GTPBP10: variants seen among roughly 807,000 people sequenced by gnomAD.
GTPBP10 encodes GTP binding protein 10.
In GTPBP10, 38 loss-of-function variants were observed where a neutral mutation model predicts 44.8. That is an observed-to-expected ratio of 0.85 (90% CI 0.65 to 1.11). The LOEUF (loss-of-function observed/expected upper bound fraction) is 1.11. Among genes scored for constraint, GTPBP10 ranks in the 50% most tolerant of loss-of-function variants. The probability of loss-of-function intolerance (pLI) is 0.00; values close to 1 mark genes in which losing one functional copy is unlikely to be tolerated. For missense variants in GTPBP10, 462 were observed against 453.7 expected (o/e 1.02, Z -0.17); for synonymous variants, 152 against 150.6 (o/e 1.01, Z -0.07).
intron 4 of GTPBP10, among the ~76,000 whole-genome samples, chr7:90,370,118 A>G (rs1229654393): frequency 6.6e-6 from 1 of 152,116 alleles, no homozygotes; most frequent in African/African-American, 2.4e-5. Context: ...AATGCAAATT[A>G]GTACAACCTA....
At chr7:90,383,216 A>G in intron 9 of GTPBP10, 137 bp downstream of exon 9, 1 of 503,258 alleles carries the variant, frequency 2.0e-6, no homozygotes, top group Non-Finnish European at 3.3e-6. Flanking sequence ...AAACATGTAA[A>G]TAACATTGTA....
chr7:90,348,404 C>T (rs1331074541), intron 1 of GTPBP10, among the ~76,000 whole-genome samples: 1 of 152,010 alleles, frequency 6.6e-6, no homozygotes, highest in Non-Finnish European at 1.5e-5. Flanking sequence ...TAACATAAGC[C>T]GTCAGTTGAC....
In GTPBP10 at chr7:90,355,265, CAGAG is replaced by C. The variant is rs772584485; in HGVS notation, c.464+42_464+45del. 8.4e-6 allele frequency: 11 copies of C among 1,312,232 alleles called. No individual in the cohort carries two copies. The African/African-American group carries it at 1.5e-4, about 18-fold the overall frequency. 81.3% of individuals were successfully genotyped at this position (1,312,232 alleles called of 1,614,324 possible). On this transcript the variant is annotated intron_variant, in intron 4 of 9. Coordinates refer to ENST00000222511, the MANE Select transcript of GTPBP10 (RefSeq NM_033107.4). Reference sequence around the variant, plus strand: ...GTTCATATTTTTATTATTATACTTTCAGAGAGAGAGTTCTTGAATAGAAAATAAA... The same window carrying C: ...GTTCATATTTTTATTATTATACTTTCAGAGAGTTCTTGAATAGAAAATAAA...
At chr7:90,352,688 T>C (rs111263602) in intron 1 of GTPBP10, 128 bp from the exon 2 acceptor site, 6 of 596,544 alleles carry the variant, frequency 1.0e-5, no homozygotes, top group African/African-American at 5.6e-5. Context: ...GAAAATGTTA[T>C]AGAATTGGCA....
At chr7:90,363,460 G>A (rs1166925209) in intron 4 of GTPBP10, among the ~76,000 whole-genome samples, 1 of 152,074 alleles carries the variant, frequency 6.6e-6, no homozygotes, top group Non-Finnish European at 1.5e-5. Flanking sequence ...TTGAATATTG[G>A]CCCCCACTCT....
rs1006508851 is a variant in GTPBP10 at position 90,387,377 on chromosome 7, G to C, written c.*2223G>C. 6.6e-6 allele frequency: 1 copy of C among 152,006 alleles called. No homozygotes were observed. Among genetic ancestry groups the C allele is most frequent in the Non-Finnish European group, 1.5e-5 (1 of 67,980 alleles). The allele number at this position is 152,006 out of a possible 1,614,324, so 9.4% of individuals were successfully genotyped here. ...GTACTTCAAAAAATTATTCTTCAAT[G>C]CTATTTTTAAATTACTAGAAATTAT... On this transcript the variant is annotated 3_prime_UTR_variant, in exon 10 of 10. Transcript: ENST00000222511.
chr7:90,377,051 C>T (rs17863079), intron 6 of GTPBP10, among the ~76,000 whole-genome samples: 4,315 of 152,218 alleles, frequency 0.028, 79 homozygotes, highest in African/African-American at 0.045. Flanking sequence ...TAGCGAGACC[C>T]TGTCTCTACT....
intron 1 of GTPBP10, 79 bp downstream of exon 1, chr7:90,346,853 C>G (rs1190161571): frequency 6.8e-7 from 1 of 1,477,850 alleles, no homozygotes; most frequent in Non-Finnish European, 9.4e-7. Context: ...CTCTCCACTA[C>G]TGTCTTCGTG....
chr7:90,349,104 C>A (rs117073421), intron 1 of GTPBP10, among the ~76,000 whole-genome samples: 4,495 of 152,212 alleles, frequency 0.03, 106 homozygotes, highest in Non-Finnish European at 0.043. Flanking sequence ...TTTTGTAAAT[C>A]CTGTGAAATT....
chr7:90,346,926 T>G (rs1431013263), intron 1 of GTPBP10, 152 bp downstream of exon 1: 3 of 840,934 alleles, frequency 3.6e-6, no homozygotes, highest in Non-Finnish European at 5.9e-6. Context: ...TGGCGCTTTG[T>G]CAGTAAGCGG....
At chr7:90,369,901 C>T (rs746167764) in intron 4 of GTPBP10, among the ~76,000 whole-genome samples, 4 of 151,650 alleles carry the variant, frequency 2.6e-5, no homozygotes, top group Non-Finnish European at 4.4e-5. Flanking sequence ...TCTTCTGTGT[C>T]GATCTTGCTG....
At chr7:90,372,804 A>G (rs1796283086) in intron 5 of GTPBP10, among the ~76,000 whole-genome samples, 1 of 152,148 alleles carries the variant, frequency 6.6e-6, no homozygotes, top group Non-Finnish European at 1.5e-5. Context: ...TCATTCATTT[A>G]GCAGATACTT....
chr7:90,364,206 G>T (rs1562956722), intron 4 of GTPBP10, among the ~76,000 whole-genome samples: 1 of 152,282 alleles, frequency 6.6e-6, no homozygotes, highest in South Asian at 2.1e-4. Flanking sequence ...AGGGGGAGAG[G>T]TGCTCTGATT....
chr7:90,370,780 C>T (rs1477784061), intron 4 of GTPBP10, among the ~76,000 whole-genome samples: 1 of 152,068 alleles, frequency 6.6e-6, no homozygotes, highest in Non-Finnish European at 1.5e-5. Context: ...CCAAGGTGGG[C>T]AGATCACGAG....
Position 90,387,144 on chromosome 7 carries a change from C to T in GTPBP10, c.*1990C>T, listed in dbSNP as rs1240987880. On this transcript the variant is annotated 3_prime_UTR_variant, in exon 10 of 10. Transcript: ENST00000222511. ...TTGAGGTCAGGAGTTCAAGACCAGC[C>T]TGGCCAACATGGTGAAAACCCATCT... 1 of 152,044 alleles carries T rather than the reference C, an allele frequency of 6.6e-6. No homozygotes were observed. The allele number at this position is 152,044 out of a possible 1,614,324, so 9.4% of individuals were successfully genotyped here.
At chr7:90,349,886 G>C (rs945899483) in intron 1 of GTPBP10, among the ~76,000 whole-genome samples, 2 of 151,346 alleles carry the variant, frequency 1.3e-5, no homozygotes, top group Non-Finnish European at 2.9e-5. Flanking sequence ...CTGTTATCTT[G>C]ATATTTCTAA....
chr7:90,366,881 G>A (rs2115697102), intron 4 of GTPBP10, among the ~76,000 whole-genome samples: 1 of 152,002 alleles, frequency 6.6e-6, no homozygotes, highest in East Asian at 1.9e-4. Context: ...GTGATGTTAG[G>A]GTGTCCATTT....
intron 1 of GTPBP10, among the ~76,000 whole-genome samples, chr7:90,350,526 G>C (rs1584625709): frequency 2.0e-5 from 3 of 152,080 alleles, no homozygotes. Context: ...ATCATCCTTT[G>C]CTGGCAATTA....
rs984147592 is a variant in GTPBP10 at position 90,364,608 on chromosome 7, G to A, written c.465-7547G>A. 3.9e-5 allele frequency among the ~76,000 whole-genome samples: 6 copies of A among 152,286 alleles called. No individual in the cohort carries two copies. In the South Asian group the frequency reaches 6.2e-4, roughly 16 times the overall value. On this transcript the variant is annotated intron_variant, in intron 4 of 9. Transcript: ENST00000222511. Reference sequence around the variant, plus strand: ...ACCCACTTGAGGAGGCAGTCTGTCCGTTCTCAGTTCTCAAACTCCGTGCTG... The same window carrying A: ...ACCCACTTGAGGAGGCAGTCTGTCCATTCTCAGTTCTCAAACTCCGTGCTG...
Sources: gnomAD v4.1 joint callset for allele counts (sites outside exome capture counted in the v4.1 genomes callset) on GRCh38, gnomAD v4.1.1 for gene constraint, MANE v1.5 for transcripts, NCBI Gene and HGNC (gene_info 2026-07-23, HGNC 2026-07-21) for gene names.